LPAR1: variants seen among roughly 807,000 people sequenced by gnomAD.
LPAR1 encodes lysophosphatidic acid receptor 1, also known as LPA receptor 1.
LPAR1 carries 5 observed loss-of-function variants against 23.8 expected under a neutral mutation model. The observed-to-expected ratio is 0.21, with a 90% confidence interval of 0.11 to 0.44. The LOEUF (loss-of-function observed/expected upper bound fraction) is 0.44, where lower values mean the gene tolerates loss of function less well. Ranked by LOEUF, LPAR1 falls within the 20% of genes least tolerant of loss-of-function variation. The probability of loss-of-function intolerance (pLI) is 0.99; values close to 1 mark genes in which losing one functional copy is unlikely to be tolerated. For synonymous variants in LPAR1, 160 were observed against 164.7 expected (o/e 0.97, Z 0.22); for missense variants, 311 against 482.8 (o/e 0.64, Z 3.33).
chr9:111,035,138 C>T (rs928045796), intron 2 of LPAR1, among the ~76,000 whole-genome samples: 6 of 152,322 alleles, frequency 3.9e-5, no homozygotes, highest in African/African-American at 1.2e-4. Context: ...TTGCATCTAC[C>T]ACATGGAAGG....
chr9:111,004,392 C>T (rs1355519810), intron 2 of LPAR1, among the ~76,000 whole-genome samples: 1 of 152,150 alleles, frequency 6.6e-6, no homozygotes, highest in East Asian at 1.9e-4. Context: ...TCTCGTTCCC[C>T]TACCCCATCC....
chr9:110,919,978 A>C (rs1167383637), intron 5 of LPAR1, among the ~76,000 whole-genome samples: 2 of 152,184 alleles, frequency 1.3e-5, no homozygotes, highest in African/African-American at 4.8e-5. Flanking sequence ...CATGAAAATC[A>C]CCAAATGAGC....
intron 5 of LPAR1, among the ~76,000 whole-genome samples, chr9:110,932,561 C>G (rs1038345953): frequency 3.3e-5 from 5 of 152,198 alleles, no homozygotes; most frequent in Non-Finnish European, 7.3e-5. Context: ...ATCAGGGGTT[C>G]GAAATCCCCA....
chr9:110,990,943 T>C (rs2096881841), intron 2 of LPAR1, among the ~76,000 whole-genome samples: 1 of 152,152 alleles, frequency 6.6e-6, no homozygotes, highest in Non-Finnish European at 1.5e-5. Flanking sequence ...TAAGACAGTG[T>C]AGTATAGCAT....
At chr9:110,889,362 A>C (rs2083384281) in intron 5 of LPAR1, among the ~76,000 whole-genome samples, 1 of 152,148 alleles carries the variant, frequency 6.6e-6, no homozygotes, top group Admixed American at 6.5e-5. Flanking sequence ...TGTCTCAAAA[A>C]ATAAAAAAAT....
At chr9:110,959,614 T>C (rs1427456431) in intron 4 of LPAR1, among the ~76,000 whole-genome samples, 1 of 151,574 alleles carries the variant, frequency 6.6e-6, no homozygotes, top group Non-Finnish European at 1.5e-5. Context: ...TGAGAACCTG[T>C]CTCAAAAAAC....
At chr9:111,025,011 C>T (rs551971931) in intron 2 of LPAR1, among the ~76,000 whole-genome samples, 4 of 152,244 alleles carry the variant, frequency 2.6e-5, no homozygotes, top group South Asian at 2.1e-4. Flanking sequence ...AATAAACATA[C>T]GTGTGCATGT....
intron 5 of LPAR1, among the ~76,000 whole-genome samples, chr9:110,922,391 T>C (rs1444906683): frequency 1.3e-5 from 2 of 152,146 alleles, no homozygotes; most frequent in African/African-American, 2.4e-5. Flanking sequence ...AAAAATGAAG[T>C]GTAAACATAA....
At chr9:110,899,579 A>G (rs1439083245) in intron 5 of LPAR1, among the ~76,000 whole-genome samples, 1 of 152,170 alleles carries the variant, frequency 6.6e-6, no homozygotes, top group Non-Finnish European at 1.5e-5. Flanking sequence ...GGAAGAAAGC[A>G]AGAGAAAGTC....
At chr9:111,033,982 G>A (rs1026986247) in intron 2 of LPAR1, among the ~76,000 whole-genome samples, 6 of 152,236 alleles carry the variant, frequency 3.9e-5, no homozygotes, top group African/African-American at 1.4e-4. Flanking sequence ...GTGACACAGA[G>A]GTACTGGGGA....
At chr9:111,009,336 A>G (rs1431997602) in intron 2 of LPAR1, among the ~76,000 whole-genome samples, 3 of 152,130 alleles carry the variant, frequency 2.0e-5, no homozygotes, top group Non-Finnish European at 4.4e-5. Context: ...CACAGATGGG[A>G]AATCTCAAAG....
rs1397646964 is a variant in LPAR1, at chr9:110,941,787, C to T, written c.427G>A (p.Ala143Thr). 6.2e-7 allele frequency: 1 copy of T among 1,614,038 alleles called. No individual in the cohort carries two copies. The highest frequency in any genetic ancestry group is 8.5e-7 in the Non-Finnish European group (1 of 1,180,022). Residue 143 changes from alanine to threonine, a missense_variant, in exon 5 of 6, where the codon GCA becomes ACA. By Grantham distance (58) the Ala-to-Thr change is moderately conservative (BLOSUM62 0). This residue lies in a region of LPAR1 where 250 missense variants were observed against 427.2 expected (regional missense o/e 0.59). Coordinates refer to ENST00000683809, the MANE Select transcript of LPAR1 (RefSeq NM_001351411.2). This position sits in a 1 kb window ranked among gnomAD's most constrained non-coding sequence, Gnocchi z 6.1. ...TASVANLLAI[A>T]IERHITVFRM... is the part of the protein sequence containing the mutation. ...AAAACCGTAATGTGCCTCTCGATTG[C>T]AATAGCCAGTAAGTTGGCCACAGAT... is the stretch of plus-strand genomic sequence containing the variant.
intron 5 of LPAR1, among the ~76,000 whole-genome samples, chr9:110,917,767 T>C (rs1443467168): frequency 6.6e-6 from 1 of 152,228 alleles, no homozygotes; most frequent in Non-Finnish European, 1.5e-5. Flanking sequence ...GTTTTACATC[T>C]TCATTAACTG....
intron 3 of LPAR1, among the ~76,000 whole-genome samples, chr9:110,972,479 A>G (rs1392134452): frequency 1.3e-5 from 2 of 152,190 alleles, no homozygotes; most frequent in Non-Finnish European, 2.9e-5. Flanking sequence ...GACAGTTTCA[A>G]GTTGCAGAGC....
chr9:111,017,062 CT>C (rs1343744561), intron 2 of LPAR1, among the ~76,000 whole-genome samples: 1 of 152,186 alleles, frequency 6.6e-6, no homozygotes, highest in Non-Finnish European at 1.5e-5. Context: ...GTTGTCCCCC[CT>C]GGTTAGTCCT....
At chr9:111,030,682 G>A (rs552487303) in intron 2 of LPAR1, among the ~76,000 whole-genome samples, 6 of 152,248 alleles carry the variant, frequency 3.9e-5, no homozygotes, top group South Asian at 2.1e-4. Flanking sequence ...GCTTTTTGTC[G>A]TCTTGGTTGT....
At chr9:110,894,796 G>A (rs527507309) in intron 5 of LPAR1, among the ~76,000 whole-genome samples, 8 of 152,050 alleles carry the variant, frequency 5.3e-5, no homozygotes, top group African/African-American at 1.4e-4. Flanking sequence ...CAGGAGGATC[G>A]CTTGAGCCCA....
intron 2 of LPAR1, among the ~76,000 whole-genome samples, chr9:111,012,668 C>T (rs955389444): frequency 1.1e-4 from 16 of 152,128 alleles, no homozygotes; most frequent in African/African-American, 3.6e-4. Context: ...GAGGATGAGA[C>T]AGAGTTTTAA....
chr9:110,972,648 C>T (rs2096460316), intron 3 of LPAR1, among the ~76,000 whole-genome samples: 2 of 152,230 alleles, frequency 1.3e-5, no homozygotes, highest in South Asian at 4.1e-4. Flanking sequence ...CCAGTGGATA[C>T]TTGAAACTGG....
Sources: gnomAD v4.1 joint callset for allele counts (sites outside exome capture counted in the v4.1 genomes callset) on GRCh38, gnomAD v4.1.1 for gene constraint, gnomAD v4.1.1 regional missense constraint, Gnocchi (gnomAD v3.1) non-coding constraint, MANE v1.5 for transcripts, NCBI Gene and HGNC (gene_info 2026-07-23, HGNC 2026-07-21) for gene names.